The following SASS6 variants were observed in gnomAD, a reference collection of about 807,000 sequenced individuals.
The protein encoded by SASS6 is SAS-6 centriolar assembly protein, also known as spindle assembly abnormal protein 6 homolog.
Under a neutral mutation model 94.9 loss-of-function variants are expected in SASS6, and 59 were observed. The ratio of observed to expected loss-of-function variants is 0.62; its 90% CI spans 0.50 to 0.77. The LOEUF (loss-of-function observed/expected upper bound fraction) is 0.77. Ranked by LOEUF, SASS6 falls within the 30% of genes least tolerant of loss-of-function variation. The pLI is 0.00. For synonymous variants in SASS6, 264 were observed against 270.0 expected, an observed-to-expected ratio of 0.98 and a Z score of 0.22; for missense variants, 698 against 734.1, an observed-to-expected ratio of 0.95 and a Z score of 0.57.
intron 16 of SASS6, 36 bp downstream of exon 16, chr1:100,085,500 A>C: frequency 6.3e-7 from 1 of 1,575,716 alleles, no homozygotes; most frequent in Non-Finnish European, 8.7e-7. Flanking sequence ...ATTTAATTCA[A>C]CTATAAAGTA....
intron 6 of SASS6, among the ~76,000 whole-genome samples, chr1:100,119,762 CT>C (rs2101682821): frequency 6.6e-6 from 1 of 152,314 alleles, no homozygotes; most frequent in South Asian, 2.1e-4. Flanking sequence ...TCCTGCTCCC[CT>C]TTGCCTTCAG....
Position 100,084,129 on chromosome 1 carries a change from G to C in SASS6, c.*1199C>G, listed in dbSNP as rs1464842385. 2 of 147,652 alleles carry C rather than the reference G, an allele frequency of 1.4e-5. No homozygotes were observed. The highest frequency in any genetic ancestry group is 5.0e-5 in the African/African-American group (2 of 39,652). 9.1% of individuals were successfully genotyped at this position (147,652 alleles called of 1,614,324 possible). A position where few individuals can be genotyped will look rare whatever the true frequency, so the allele number is the denominator to read the frequency against. On this transcript the variant is annotated 3_prime_UTR_variant, in exon 17 of 17. Transcript: ENST00000287482. The stretch of plus-strand genomic sequence containing the variant: ...CACTTGCAATTGCCAATAGTTTCAA[G>C]ATACTGGCTTCGTAAAAAAAAAAAA...
In SASS6 at chr1:100,103,049, A is replaced by T. The variant is rs116832561; in HGVS notation, c.1580T>A (p.Ile527Asn). 6.2e-7 allele frequency: 1 copy of T among 1,606,208 alleles called. No homozygotes were observed. Among genetic ancestry groups the T allele is most frequent in the African/African-American group, 1.3e-5 (1 of 74,900 alleles). ...DGRLTYPTCGIGYPVSSAFAF... is the reference protein window; with the variant it reads ...DGRLTYPTCGNGYPVSSAFAF... ...AAATGCAGAGGAGACAGGATAACCAATCCCACAGGTTGGGTAAGTCAGTCT... is the reference window on the plus strand; with the variant it reads ...AAATGCAGAGGAGACAGGATAACCATTCCCACAGGTTGGGTAAGTCAGTCT... The change falls in exon 14 of 17, where the codon ATT (isoleucine) becomes AAT (asparagine). Residue 527 changes from isoleucine to asparagine, a missense_variant. By Grantham distance (149) the Ile-to-Asn change is moderately radical (BLOSUM62 -3). Transcript: ENST00000287482.
At chr1:100,097,017 A>G (rs1042106612) in intron 14 of SASS6, among the ~76,000 whole-genome samples, 2 of 152,206 alleles carry the variant, frequency 1.3e-5, no homozygotes, top group African/African-American at 4.8e-5. Context: ...CGGGAGGCTG[A>G]GGCATGAGAA....
In SASS6 at chr1:100,084,240, AAGT is replaced by A. The variant is rs979167029; in HGVS notation, c.*1085_*1087del. 1 of 152,082 alleles carries A rather than the reference AAGT, an allele frequency of 6.6e-6. No homozygotes were observed. Among genetic ancestry groups the A allele is most frequent in the Non-Finnish European group, 1.5e-5 (1 of 67,932 alleles). The allele number at this position is 152,082 out of a possible 1,614,324, so 9.4% of individuals were successfully genotyped here. A position where few individuals can be genotyped will look rare whatever the true frequency, so the allele number is the denominator to read the frequency against. On this transcript the variant is annotated 3_prime_UTR_variant, in exon 17 of 17. Transcript: ENST00000287482. ...GAAATGTTTCTTCATCTGTGTAATAAAGTAGTTGAAAATAATTTTAAATTATCA... is the reference window on the plus strand; with the variant it reads ...GAAATGTTTCTTCATCTGTGTAATAAAGTTGAAAATAATTTTAAATTATCA...
chr1:100,114,959 G>A (rs72973341), intron 7 of SASS6, among the ~76,000 whole-genome samples: 5,006 of 151,994 alleles, frequency 0.033, 293 homozygotes, highest in African/African-American at 0.11. Flanking sequence ...AAAATTCTCA[G>A]GTAGCAAGGA....
chr1:100,098,188 A>T (rs953780971), intron 14 of SASS6, among the ~76,000 whole-genome samples: 5 of 152,224 alleles, frequency 3.3e-5, no homozygotes, highest in Non-Finnish European at 1.5e-5. Flanking sequence ...CATTAAAAAC[A>T]ACGGCAAACT....
In SASS6 at chr1:100,132,816, T is replaced by C. The variant is rs375464969; in HGVS notation, c.-2A>G. On this transcript the variant is annotated 5_prime_UTR_variant, in exon 1 of 17. Coordinates refer to ENST00000287482, the MANE Select transcript of SASS6 (RefSeq NM_194292.3). ...TTGGTGGAACAGCACTTGGCTCATG[T>C]TGGCTCGCTGCCTCGGCTGGTGTGC... 1.2e-6 allele frequency: 2 copies of C among 1,613,868 alleles called. No homozygotes were observed. Among genetic ancestry groups the C allele is most frequent in the African/African-American group, 2.7e-5 (2 of 74,936 alleles).
rs1651129418 is a variant in SASS6 at position 100,084,915 on chromosome 1, TTTACCAA to T, written c.*406_*412del. 6.5e-6 allele frequency: 1 copy of T among 154,906 alleles called. No homozygotes were observed. Among genetic ancestry groups the T allele is most frequent in the African/African-American group, 2.4e-5 (1 of 41,502 alleles). The allele number at this position is 154,906 out of a possible 1,614,324, so 9.6% of individuals were successfully genotyped here. A position where few individuals can be genotyped will look rare whatever the true frequency, so the allele number is the denominator to read the frequency against. The stretch of plus-strand genomic sequence containing the variant: ...ATTTTCAGGTGTTGAATTTAAAAGT[TTTACCAA>T]TGAAAGTGATAAAATGAATTAGTAT... On this transcript the variant is annotated 3_prime_UTR_variant, in exon 17 of 17. Transcript: ENST00000287482.
intron 2 of SASS6, among the ~76,000 whole-genome samples, chr1:100,123,963 A>T (rs1458776006): frequency 6.6e-6 from 1 of 152,226 alleles, no homozygotes; most frequent in East Asian, 1.9e-4. Flanking sequence ...CACCAAAATT[A>T]TGTACCAGAG....
At chr1:100,091,376 TA>T (rs919319647) in intron 14 of SASS6, among the ~76,000 whole-genome samples, 6 of 150,926 alleles carry the variant, frequency 4.0e-5, no homozygotes, top group African/African-American at 9.7e-5. Flanking sequence ...ATTGTTTGCT[TA>T]AAAAAAAATC....
intron 3 of SASS6, 26 bp from the exon 4 acceptor site, chr1:100,122,510 T>G (rs768317425): frequency 1.0e-6 from 1 of 982,980 alleles, no homozygotes; most frequent in Non-Finnish European, 1.5e-6. Context: ...GAAAAGAAAT[T>G]TTTTAAAAAT....
chr1:100,085,639 GA>G lies in SASS6; in HGVS notation c.1773-10del. The stretch of plus-strand genomic sequence containing the variant: ...ACCCTACATTTTCACCACTTAAAAA[GA>G]AAATGGTAATAACTTATTTAACAAA... On this transcript the variant is annotated splice_polypyrimidine_tract_variant and intron_variant, in intron 15 of 16. Coordinates refer to ENST00000287482, the MANE Select transcript of SASS6 (RefSeq NM_194292.3). The G allele has an allele frequency of 6.6e-7, 1 of 1,525,532 alleles. No homozygotes were observed. The highest frequency in any genetic ancestry group is 9.1e-7 in the Non-Finnish European group (1 of 1,102,956). 94.5% of individuals were successfully genotyped at this position (1,525,532 alleles called of 1,614,324 possible). A position where few individuals can be genotyped will look rare whatever the true frequency, so the allele number is the denominator to read the frequency against.
intron 1 of SASS6, among the ~76,000 whole-genome samples, chr1:100,129,117 G>GT (rs1254298273): frequency 1.3e-5 from 2 of 152,018 alleles, no homozygotes; most frequent in Non-Finnish European, 2.9e-5. Context: ...GTGCATGCCT[G>GT]TAGTTTCATG....
chr1:100,116,672 A>G (rs745844611), intron 7 of SASS6, among the ~76,000 whole-genome samples: 1 of 152,266 alleles, frequency 6.6e-6, no homozygotes, highest in Admixed American at 6.5e-5. Context: ...GCAGATTCAT[A>G]TAACAATAAA....
intron 7 of SASS6, 101 bp from the exon 8 acceptor site, chr1:100,110,584 TTC>T (rs1185302917): frequency 7.1e-6 from 4 of 564,782 alleles, no homozygotes; most frequent in Non-Finnish European, 1.1e-5. Context: ...TTCTTATTTT[TTC>T]TTTTTCTTTT....
chr1:100,098,062 A>T (rs1313975439), intron 14 of SASS6, among the ~76,000 whole-genome samples: 1 of 152,210 alleles, frequency 6.6e-6, no homozygotes, highest in Non-Finnish European at 1.5e-5. Context: ...AAATTATTGA[A>T]CTAATCTTAA....
chr1:100,089,757 G>A (rs1651550942), intron 14 of SASS6, among the ~76,000 whole-genome samples: 1 of 152,042 alleles, frequency 6.6e-6, no homozygotes, highest in Admixed American at 6.6e-5. Context: ...AGAGATCTTA[G>A]TTATTGAGGA....
intron 1 of SASS6, among the ~76,000 whole-genome samples, chr1:100,128,057 G>A (rs1229334632): frequency 2.0e-5 from 3 of 151,482 alleles, no homozygotes; most frequent in Non-Finnish European, 2.9e-5. Flanking sequence ...TTATTTTTGA[G>A]ACAGAGTTTC....
Sources: allele counts gnomAD v4.1 joint callset (sites outside exome capture counted in the v4.1 genomes callset), GRCh38; gene constraint gnomAD v4.1.1; transcripts MANE v1.5; gene names NCBI Gene and HGNC (gene_info 2026-07-23, HGNC 2026-07-21).